GRID2: variants seen among roughly 807,000 people sequenced by gnomAD.
GRID2 encodes the protein glutamate ionotropic receptor delta type subunit 2.
Under a neutral mutation model 114.8 loss-of-function variants are expected in GRID2, and 33 were observed. That is an observed-to-expected ratio of 0.29 (90% CI 0.22 to 0.38). The LOEUF is 0.38. Among genes scored for constraint, GRID2 ranks in the 10% least tolerant of loss-of-function variants. The pLI, the probability that GRID2 is intolerant of heterozygous loss-of-function variation, is 1.00. For synonymous variants in GRID2, 505 were observed against 449.9 expected, an observed-to-expected ratio of 1.12 and a Z score of -1.55; for missense variants, 1,184 against 1,257.7, an observed-to-expected ratio of 0.94 and a Z score of 0.89.
intron 1 of GRID2, among the ~76,000 whole-genome samples, chr4:92,568,660 T>C (rs1727468577): frequency 6.6e-6 from 1 of 151,994 alleles, no homozygotes; most frequent in Non-Finnish European, 1.5e-5. Context: ...CTACAGATTA[T>C]TTCATTACCC....
chr4:92,549,904 G>A (rs557356979), intron 1 of GRID2, among the ~76,000 whole-genome samples: 3 of 152,058 alleles, frequency 2.0e-5, no homozygotes, highest in Non-Finnish European at 2.9e-5. Context: ...AATGAGGTAT[G>A]CTATTCCATA....
chr4:92,934,416 A>C (rs955541879), intron 2 of GRID2, among the ~76,000 whole-genome samples: 1 of 149,400 alleles, frequency 6.7e-6, no homozygotes, highest in African/African-American at 2.4e-5. Flanking sequence ...TTATCAGCTT[A>C]AGGAGATTTT....
chr4:92,768,350 G>C (rs948439362), intron 2 of GRID2, among the ~76,000 whole-genome samples: 1 of 152,040 alleles, frequency 6.6e-6, no homozygotes, highest in East Asian at 1.9e-4. Flanking sequence ...TCCAATCCGG[G>C]CTGGTACTTT....
chr4:93,538,380 A>G (rs2149523865), intron 13 of GRID2, among the ~76,000 whole-genome samples: 1 of 151,960 alleles, frequency 6.6e-6, no homozygotes, highest in Non-Finnish European at 1.5e-5. Context: ...ACAAGTTCAT[A>G]GTGATATGAA....
At chr4:93,451,474 G>GA (rs945362991) in intron 10 of GRID2, among the ~76,000 whole-genome samples, 10 of 152,066 alleles carry the variant, frequency 6.6e-5, no homozygotes, top group African/African-American at 2.4e-4. Flanking sequence ...TGCTGGAAGG[G>GA]AAAATGGTAC....
At chr4:92,950,290 C>T (rs1364890699) in intron 2 of GRID2, among the ~76,000 whole-genome samples, 1 of 152,084 alleles carries the variant, frequency 6.6e-6, no homozygotes, top group Non-Finnish European at 1.5e-5. Context: ...TGACCTGAAT[C>T]GATCCTCTAA....
chr4:92,853,529 AT>A (rs1743972657), intron 2 of GRID2, among the ~76,000 whole-genome samples: 1 of 151,990 alleles, frequency 6.6e-6, no homozygotes, highest in Non-Finnish European at 1.5e-5. Context: ...TCTCACCAGA[AT>A]TTTGACTCCA....
chr4:92,979,072 C>T (rs1045430849), intron 2 of GRID2, among the ~76,000 whole-genome samples: 5 of 151,534 alleles, frequency 3.3e-5, no homozygotes, highest in Admixed American at 1.3e-4. Flanking sequence ...TCGTGCTGTC[C>T]GACATTATAA....
chr4:93,463,362 C>G (rs373380403), intron 11 of GRID2, among the ~76,000 whole-genome samples: 1 of 152,258 alleles, frequency 6.6e-6, no homozygotes, highest in East Asian at 1.9e-4. Context: ...ATGCTATGAA[C>G]TATATGCATA....
intron 8 of GRID2, among the ~76,000 whole-genome samples, chr4:93,373,357 A>G (rs755345587): frequency 1.2e-4 from 19 of 152,044 alleles, no homozygotes; most frequent in South Asian, 4.2e-4. Context: ...TTTAGTTTCT[A>G]CAGTGGCAGA....
intron 4 of GRID2, among the ~76,000 whole-genome samples, chr4:93,153,666 G>T (rs1736921148): frequency 6.6e-6 from 1 of 152,044 alleles, no homozygotes; most frequent in African/African-American, 2.4e-5. Context: ...AGGTGGTAGT[G>T]TCCCAGTTTA....
intron 1 of GRID2, among the ~76,000 whole-genome samples, chr4:92,424,188 A>G (rs1732040879): frequency 6.6e-6 from 1 of 152,102 alleles, no homozygotes; most frequent in Admixed American, 6.6e-5. Context: ...AACTTCATTT[A>G]TTTCAGGTAA....
intron 4 of GRID2, among the ~76,000 whole-genome samples, chr4:93,177,189 CTTCTA>C (rs1431412260): frequency 6.6e-6 from 1 of 152,014 alleles, no homozygotes; most frequent in Non-Finnish European, 1.5e-5. Flanking sequence ...ATCCCTGTGG[CTTCTA>C]TTCTGTGGCA....
chr4:92,858,000 C>G (rs1422425442), intron 2 of GRID2, among the ~76,000 whole-genome samples: 1 of 152,140 alleles, frequency 6.6e-6, no homozygotes, highest in Non-Finnish European at 1.5e-5. Flanking sequence ...GCCTGGATGA[C>G]AGCACAACTG....
chr4:93,336,824 T>G (rs1366943355), intron 8 of GRID2, among the ~76,000 whole-genome samples: 7 of 152,204 alleles, frequency 4.6e-5, no homozygotes. Context: ...CTGTTGATTT[T>G]TCATATCAAA....
intron 8 of GRID2, among the ~76,000 whole-genome samples, chr4:93,345,007 G>GTC (rs995049004): frequency 4.6e-5 from 7 of 151,654 alleles, no homozygotes; most frequent in Non-Finnish European, 1.0e-4. Context: ...GTGTGTGTGT[G>GTC]TGTGTGTGTG....
chr4:92,480,304 ATTTTAT>A (rs1722519600), intron 1 of GRID2, among the ~76,000 whole-genome samples: 1 of 152,128 alleles, frequency 6.6e-6, no homozygotes, highest in African/African-American at 2.4e-5. Context: ...CATTAATCAA[ATTTTAT>A]TTTCATAAGT....
At position 93,085,049 on chromosome 4, in the gene GRID2, C is replaced by A. The variant is rs200490934; in HGVS notation, c.299C>A (p.Thr100Lys). The A allele has an allele frequency of 4.3e-6, 7 of 1,614,012 alleles. No individual in the cohort carries two copies. The highest frequency in any genetic ancestry group is 1.3e-5 in the African/African-American group (1 of 75,060). Residue 100 changes from threonine (T) to lysine (K), a missense_variant, in exon 3 of 16, where the codon ACG becomes AAG. Transcript: ENST00000282020. The part of the protein sequence containing the change: ...ILALVSSIGC[T>K]SAGSLQSLAD... ...GCCCTGGTCAGCTCCATTGGCTGCA[C>A]GTCAGCAGGATCCCTCCAGTCTTTG...
At position 92,540,895 on chromosome 4, in the gene GRID2, A is replaced by G. The variant is rs187489077; in HGVS notation, c.89-49236A>G. On this transcript the variant is annotated intron_variant, in intron 1 of 15. Coordinates refer to ENST00000282020, the MANE Select transcript of GRID2 (RefSeq NM_001510.4). ...ATAGCAAAGACTTGTGACCAACCCA[A>G]ATGTCCAACAATGATAGACTGGATT... Among the ~76,000 whole-genome samples, 1,213 of 152,330 alleles carry G rather than the reference A, an allele frequency of 8.0e-3. 17 individuals carry two copies. Among genetic ancestry groups the G allele is most frequent in the African/African-American group, 0.026 (1,076 of 41,576 alleles).
Sources: gnomAD v4.1 joint callset for allele counts (sites outside exome capture counted in the v4.1 genomes callset) on GRCh38, gnomAD v4.1.1 for gene constraint, MANE v1.5 for transcripts, NCBI Gene and HGNC (gene_info 2026-07-23, HGNC 2026-07-21) for gene names.